Variants in SCN1A observed in about 807,000 individuals in gnomAD.
SCN1A encodes the protein sodium channel protein type 1 subunit alpha.
SCN1A carries 13 observed loss-of-function variants against 193.7 expected under a neutral mutation model. The ratio of observed to expected loss-of-function variants is 0.07; its 90% CI spans 0.04 to 0.11. The LOEUF (loss-of-function observed/expected upper bound fraction) is 0.11. SCN1A is among the 10% of genes least tolerant of loss of function. The pLI, the probability that SCN1A is intolerant of heterozygous loss-of-function variation, is 1.00. For synonymous variants in SCN1A, 781 were observed against 843.6 expected, an observed-to-expected ratio of 0.93 and a Z score of 1.29; for missense variants, 1,432 against 2,451.1, an observed-to-expected ratio of 0.58 and a Z score of 8.78.
At position 166,051,892 on chromosome 2, in the gene SCN1A, A is replaced by G. The variant is rs745664511; in HGVS notation, c.791T>C (p.Ile264Thr). 29 of 1,612,564 alleles carry G rather than the reference A, an allele frequency of 1.8e-5. No homozygotes were observed. Among genetic ancestry groups the G allele is most frequent in the African/African-American group, 5.3e-5 (4 of 74,810 alleles). The change falls in exon 9 of 29, where the codon ATT becomes ACT. Residue 264 changes from isoleucine to threonine, a missense_variant. By Grantham distance (89) the Ile-to-Thr change is moderately conservative. Coordinates refer to ENST00000674923, the MANE Select transcript of SCN1A (RefSeq NM_001165963.4). ...TVFCLSVFAL[I>T]GLQLFMGNLR... ...GTTGCCCATGAACAGCTGCAGCCCA[A>G]TTAGAGCAAATACGCTCAGACAGAA...
intron 2 of SCN1A, among the ~76,000 whole-genome samples, chr2:166,085,820 G>GAAC (rs1431017097): frequency 4.6e-5 from 7 of 152,066 alleles, no homozygotes; most frequent in African/African-American, 1.7e-4. Flanking sequence ...TCTAGACATA[G>GAAC]AACAAGTCTA....
chr2:166,075,785 C>G (rs111897047), intron 3 of SCN1A, among the ~76,000 whole-genome samples: 1,830 of 152,058 alleles, frequency 0.012, 40 homozygotes, highest in African/African-American at 0.04. Context: ...ATTCTCCTGA[C>G]AGCAATGTAA....
At chr2:166,036,607 T>A (rs1307020382) in intron 18 of SCN1A, 77 bp from the exon 19 acceptor site, 1 of 1,463,166 alleles carries the variant, frequency 6.8e-7, no homozygotes, top group African/African-American at 1.4e-5. Context: ...TATTCTTTCT[T>A]TTAAGTGTGG....
In SCN1A at chr2:166,009,831, A is replaced by C. The variant is rs781267314; in HGVS notation, c.3890T>G (p.Val1297Gly). 6.2e-6 allele frequency: 10 copies of C among 1,606,514 alleles called. No individual in the cohort carries two copies. The highest frequency in any genetic ancestry group is 1.3e-5 in the African/African-American group (1 of 74,464). ...ACCCAAGGCATTTGCTGTTAAACTGACCAATGAAACCTGCACACACAAAAA... is the reference window on the plus strand; with the variant it reads ...ACCCAAGGCATTTGCTGTTAAACTGCCCAATGAAACCTGCACACACAAAAA... ...LDFLIVDVSL[V>G]SLTANALGYS... Residue 1297 changes from valine to glycine, a missense_variant, in exon 23 of 29, where the codon GTC becomes GGC. Physicochemically the swap from Val to Gly is moderately radical, Grantham distance 109. Around this residue, in one of 18 missense-constraint regions of SCN1A, gnomAD observed 107 missense variants for 259.4 expected, o/e 0.41. Transcript: ENST00000674923.
rs750007609 is a variant in SCN1A at position 166,002,636 on chromosome 2, A to G, written c.4120T>C (p.Tyr1374His). The G allele has an allele frequency of 3.1e-6, 5 of 1,611,988 alleles. No homozygotes were observed. The South Asian group carries it at 4.4e-5, about 14-fold the overall frequency. The change falls in exon 24 of 29, where the codon TAC becomes CAC. Residue 1374 changes from tyrosine to histidine, a missense_variant. By Grantham distance (83) the Tyr-to-His change is moderately conservative. This residue lies in a region of SCN1A where 107 missense variants were observed against 259.4 expected (regional missense o/e 0.41). Coordinates refer to ENST00000674923, the MANE Select transcript of SCN1A (RefSeq NM_001165963.4). ...CCAGTTGTGGTGTTAATACAGTGGT[A>G]GAATTTGCCAGCAAACAAATTTACG... ...MGVNLFAGKFYHCINTTTGDR... is the reference protein window; with the variant it reads ...MGVNLFAGKFHHCINTTTGDR...
intron 1 of SCN1A, among the ~76,000 whole-genome samples, chr2:166,144,215 A>T (rs1692211160): frequency 6.6e-6 from 1 of 152,238 alleles, no homozygotes; most frequent in Admixed American, 6.5e-5. Flanking sequence ...GTATTTCTTC[A>T]ATAAAAGTTA....
chr2:166,013,275 C>A (rs1167735147), intron 21 of SCN1A, among the ~76,000 whole-genome samples: 1 of 151,454 alleles, frequency 6.6e-6, no homozygotes, highest in Admixed American at 6.6e-5. Context: ...TCTTAAGTAG[C>A]ACAAAAATAG....
intron 2 of SCN1A, among the ~76,000 whole-genome samples, chr2:166,115,465 G>GA (rs960023268): frequency 8.5e-5 from 13 of 152,092 alleles, no homozygotes; most frequent in South Asian, 4.2e-4. Flanking sequence ...ATAATTTGAA[G>GA]AAAAAATGCA....
Position 166,127,929 on chromosome 2 carries a change from GACAC to G in SCN1A, c.-391_-388del, listed in dbSNP as rs1309681327. On this transcript the variant is annotated 5_prime_UTR_variant, in exon 1 of 29. The change abolishes the stop of an existing upstream ORF in the 5' untranslated region. Transcript: ENST00000674923. Reference sequence around the variant, plus strand: ...CAGTCTCACTGGGGCAGAACACACAGACACACAAACACACACAAACGCACACATA... The same window carrying G: ...CAGTCTCACTGGGGCAGAACACACAGACAAACACACACAAACGCACACATA... 1 of 150,938 alleles carries G rather than the reference GACAC, an allele frequency of 6.6e-6. No individual in the cohort carries two copies. Among genetic ancestry groups the G allele is most frequent in the Non-Finnish European group, 1.5e-5 (1 of 67,888 alleles). The allele number at this position is 150,938 out of a possible 1,614,324, so 9.3% of individuals were successfully genotyped here. A position where few individuals can be genotyped will look rare whatever the true frequency, so the allele number is the denominator to read the frequency against.
intron 21 of SCN1A, among the ~76,000 whole-genome samples, chr2:166,012,554 A>G (rs997092060): frequency 6.7e-6 from 1 of 149,200 alleles, no homozygotes; most frequent in African/African-American, 2.5e-5. Context: ...TGATGTGGCC[A>G]TCCCAACTTG....
intron 8 of SCN1A, 22 bp downstream of exon 8, chr2:166,052,830 C>T: frequency 5.7e-6 from 9 of 1,583,508 alleles, no homozygotes; most frequent in Non-Finnish European, 7.8e-6. Context: ...GGGTCCGTCT[C>T]ATTATCTAAC....
chr2:166,139,246 G>C (rs528303530), intron 1 of SCN1A, among the ~76,000 whole-genome samples: 9 of 152,284 alleles, frequency 5.9e-5, no homozygotes, highest in Middle Eastern at 3.4e-3. Context: ...GAAATGTGAG[G>C]ACATGAGATT....
intron 2 of SCN1A, among the ~76,000 whole-genome samples, chr2:166,108,382 T>C (rs1430432302): frequency 6.6e-6 from 1 of 152,086 alleles, no homozygotes. Flanking sequence ...GGTACAGCCA[T>C]TTGGAAATAC....
chr2:165,994,930 G>C (rs780634679), intron 27 of SCN1A, among the ~76,000 whole-genome samples: 3 of 151,716 alleles, frequency 2.0e-5, no homozygotes, highest in Non-Finnish European at 4.4e-5. Context: ...ACCACATATG[G>C]CAATACTCAT....
intron 2 of SCN1A, among the ~76,000 whole-genome samples, chr2:166,121,986 A>C (rs1690655452): frequency 6.6e-6 from 1 of 152,234 alleles, no homozygotes; most frequent in Non-Finnish European, 1.5e-5. Flanking sequence ...GCACATGCAC[A>C]GAGGAAAAGA....
chr2:165,985,333 T>G (rs1573924438), downstream of SCN1A: 1 of 128,974 alleles, frequency 7.8e-6, no homozygotes. Context: ...AAGGGAAAGG[T>G]AGGAGGGGGA....
In SCN1A at chr2:165,996,050, C is replaced by A; in HGVS notation, c.4544G>T (p.Gly1515Val). 1 of 1,609,504 alleles carries A rather than the reference C, an allele frequency of 6.2e-7. No individual in the cohort carries two copies. Among genetic ancestry groups the A allele is most frequent in the South Asian group, 1.1e-5 (1 of 90,880 alleles). The change falls in exon 27 of 29, where the codon GGA becomes GTA. Residue 1515 changes from glycine (G) to valine (V), a missense_variant. Gly to Val is a moderately radical substitution (Grantham distance 109). Around this residue, in one of 18 missense-constraint regions of SCN1A, gnomAD observed 85 missense variants for 119.1 expected, o/e 0.71. Coordinates refer to ENST00000674923, the MANE Select transcript of SCN1A (RefSeq NM_001165963.4). ...TATAGGCTTTTGCGGTTTTTTCGAT[C>A]CTAATTTTTTCATTGCATTATAGTA... Reference protein sequence around the residue: ...KKYYNAMKKLGSKKPQKPIPR... With the variant: ...KKYYNAMKKLVSKKPQKPIPR...
chr2:166,125,637 C>T (rs1691155782), intron 2 of SCN1A, among the ~76,000 whole-genome samples: 1 of 152,084 alleles, frequency 6.6e-6, no homozygotes, highest in African/African-American at 2.4e-5. Flanking sequence ...TACTGGATTC[C>T]TCTGTTGGTG....
intron 26 of SCN1A, among the ~76,000 whole-genome samples, chr2:165,997,161 CT>C (rs200835913): frequency 5.3e-5 from 8 of 149,762 alleles, no homozygotes; most frequent in Admixed American, 1.3e-4. Flanking sequence ...GTCCCTCTCT[CT>C]TTTTTTTTGT....
Sources: allele counts gnomAD v4.1 joint callset (sites outside exome capture counted in the v4.1 genomes callset), GRCh38; gene constraint gnomAD v4.1.1; regional missense constraint gnomAD v4.1.1; transcripts MANE v1.5; gene names NCBI Gene and HGNC (gene_info 2026-07-23, HGNC 2026-07-21).